Variants in CD2AP observed in about 807,000 individuals in gnomAD.
The protein encoded by CD2AP is CD2 associated protein.
CD2AP carries 46 observed loss-of-function variants against 85.1 expected under a neutral mutation model. That is an observed-to-expected ratio of 0.54 (90% confidence interval 0.43 to 0.69). The LOEUF is 0.69. CD2AP is among the 30% of genes least tolerant of loss of function. The pLI, the probability that CD2AP is intolerant of heterozygous loss-of-function variation, is 0.00. For missense variants in CD2AP, 769 were observed against 729.5 expected, an observed-to-expected ratio of 1.05 and a Z score of -0.62; for synonymous variants, 255 against 252.9, an observed-to-expected ratio of 1.01 and a Z score of -0.08.
chr6:47,549,460 CAAA>C (rs67626138), intron 4 of CD2AP, among the ~76,000 whole-genome samples: 2,579 of 110,694 alleles, frequency 0.023, 50 homozygotes, highest in African/African-American at 0.064. Flanking sequence ...ACAATAGCTG[CAAA>C]AAAAAAAAAA....
At chr6:47,523,485 A>G (rs1341587558) in intron 2 of CD2AP, among the ~76,000 whole-genome samples, 1 of 152,170 alleles carries the variant, frequency 6.6e-6, no homozygotes, top group African/African-American at 2.4e-5. Flanking sequence ...CAAGAAATAA[A>G]TCTTCATTGA....
intron 17 of CD2AP, among the ~76,000 whole-genome samples, chr6:47,618,099 A>T (rs557594902): frequency 1.3e-5 from 2 of 152,306 alleles, no homozygotes; most frequent in East Asian, 3.9e-4. Context: ...TGGGTGGATC[A>T]CCTGAGGTCA....
intron 1 of CD2AP, among the ~76,000 whole-genome samples, chr6:47,489,978 T>TG (rs1562000404): frequency 1.3e-5 from 1 of 75,056 alleles, no homozygotes; most frequent in Non-Finnish European, 4.2e-5. Context: ...TTTTTTTTTT[T>TG]TTTTTTTTTT....
chr6:47,532,392 C>T (rs1180910654), intron 2 of CD2AP, among the ~76,000 whole-genome samples: 1 of 114,642 alleles, frequency 8.7e-6, no homozygotes, highest in Non-Finnish European at 1.8e-5. Context: ...CACACACACA[C>T]ACACACACAC....
At chr6:47,545,769 A>G (rs1353140683) in intron 4 of CD2AP, among the ~76,000 whole-genome samples, 1 of 152,168 alleles carries the variant, frequency 6.6e-6, no homozygotes, top group Non-Finnish European at 1.5e-5. Context: ...GATAATCTCT[A>G]CAGTTCAACT....
In CD2AP at chr6:47,510,477, A is replaced by G. The variant is rs544453837; in HGVS notation, c.165+7037A>G. Reference sequence around the variant, plus strand: ...GAGCGTGTTGTGGTGGCAGAAAATTAAGTGGTTAAAAAAACAAAAGGTGGG... The same window carrying G: ...GAGCGTGTTGTGGTGGCAGAAAATTGAGTGGTTAAAAAAACAAAAGGTGGG... On this transcript the variant is annotated intron_variant, in intron 2 of 17. Coordinates refer to ENST00000359314, the MANE Select transcript of CD2AP (RefSeq NM_012120.3). Among the ~76,000 whole-genome samples the G allele has an allele frequency of 2.0e-5, 3 of 152,312 alleles. No individual in the cohort carries two copies. In the South Asian group the frequency reaches 6.2e-4, roughly 32 times the overall value.
intron 1 of CD2AP, among the ~76,000 whole-genome samples, chr6:47,480,089 G>T (rs1765406897): frequency 2.0e-5 from 3 of 151,994 alleles, no homozygotes; most frequent in South Asian, 4.2e-4. Flanking sequence ...GTTTAGGTGA[G>T]TTTTCATATA....
chr6:47,500,769 C>T (rs1378450688), intron 1 of CD2AP, among the ~76,000 whole-genome samples: 2 of 144,870 alleles, frequency 1.4e-5, no homozygotes, highest in Non-Finnish European at 3.0e-5. Flanking sequence ...TTTTTTGAGA[C>T]GGAGTCCTGC....
At chr6:47,509,833 T>G (rs1194233007) in intron 2 of CD2AP, among the ~76,000 whole-genome samples, 1 of 152,194 alleles carries the variant, frequency 6.6e-6, no homozygotes, top group Non-Finnish European at 1.5e-5. Context: ...AATACATTTT[T>G]TTTTGTAAAG....
rs753793812 is a variant in CD2AP, at chr6:47,609,194, A to T, written c.1704A>T (p.Glu568Asp). The change falls in exon 16 of 18, where the codon GAA becomes GAT. Residue 568 changes from glutamate (E) to aspartate (D), a missense_variant. By Grantham distance (45) the Glu-to-Asp change is conservative. Transcript: ENST00000359314. ...ANTTAFLTPL[E>D]IKAKVETDDV... ...CAACTGCTTTCCTGACTCCATTAGA[A>T]ATCAAAGCTAAAGTGGAAACAGATG... 1.9e-6 allele frequency: 3 copies of T among 1,613,370 alleles called. No homozygotes were observed. In the African/African-American group the frequency reaches 4.0e-5, roughly 22 times the overall value.
chr6:47,488,941 G>A (rs549795569), intron 1 of CD2AP: 28 of 152,148 alleles, frequency 1.8e-4, no homozygotes, highest in African/African-American at 5.8e-4. Context: ...TTTATTTTGG[G>A]TGGATGCTTA....
At chr6:47,611,238 C>A (rs12661844) in intron 16 of CD2AP, among the ~76,000 whole-genome samples, 32 of 150,884 alleles carry the variant, frequency 2.1e-4, no homozygotes, top group African/African-American at 7.8e-4. Context: ...GAAGCATACA[C>A]GCAATCAGTG....
intron 1 of CD2AP, among the ~76,000 whole-genome samples, chr6:47,498,605 C>T (rs150619018): frequency 8.8e-4 from 133 of 151,986 alleles, no homozygotes; most frequent in African/African-American, 3.0e-3. Context: ...TTTGTTTTAC[C>T]TGTTTTGGAA....
At chr6:47,529,724 A>G (rs993624457) in intron 2 of CD2AP, among the ~76,000 whole-genome samples, 21 of 152,220 alleles carry the variant, frequency 1.4e-4, no homozygotes, top group African/African-American at 4.8e-4. Context: ...CAACTAGCCT[A>G]TGCTAAAATC....
At chr6:47,513,504 T>G (rs576442218) in intron 2 of CD2AP, among the ~76,000 whole-genome samples, 1 of 152,244 alleles carries the variant, frequency 6.6e-6, no homozygotes, top group South Asian at 2.1e-4. Flanking sequence ...TTTTAGTGTT[T>G]GATTTTGAAG....
At chr6:47,578,847 G>A (rs1768381817) in intron 8 of CD2AP, among the ~76,000 whole-genome samples, 1 of 151,860 alleles carries the variant, frequency 6.6e-6, no homozygotes, top group Admixed American at 6.6e-5. Context: ...AGTAGAGACG[G>A]GGTTTCACCT....
At chr6:47,514,224 G>A (rs968092055) in intron 2 of CD2AP, among the ~76,000 whole-genome samples, 2 of 151,862 alleles carry the variant, frequency 1.3e-5, no homozygotes, top group Admixed American at 6.6e-5. Flanking sequence ...TTTGTGTTTA[G>A]TATGATTAAA....
intron 3 of CD2AP, among the ~76,000 whole-genome samples, chr6:47,536,510 T>A (rs1767049944): frequency 6.6e-6 from 1 of 152,160 alleles, no homozygotes; most frequent in Non-Finnish European, 1.5e-5. Context: ...CAAATAAGTA[T>A]AATGATGTTG....
chr6:47,538,404 G>T (rs1475482133), intron 3 of CD2AP, among the ~76,000 whole-genome samples: 1 of 151,860 alleles, frequency 6.6e-6, no homozygotes, highest in Non-Finnish European at 1.5e-5. Flanking sequence ...ACCATGCCTG[G>T]CTACCTTTTG....
Sources: gnomAD v4.1 joint callset for allele counts (sites outside exome capture counted in the v4.1 genomes callset) on GRCh38, gnomAD v4.1.1 for gene constraint, MANE v1.5 for transcripts, NCBI Gene and HGNC (gene_info 2026-07-23, HGNC 2026-07-21) for gene names.